Variants in CMIP observed in about 807,000 individuals in gnomAD.
CMIP encodes C-Maf-inducing protein.
In CMIP, 13 loss-of-function variants were observed where a neutral mutation model predicts 97.3. The ratio of observed to expected loss-of-function variants is 0.13; its 90% CI spans 0.09 to 0.21. The LOEUF is 0.21. Among genes scored for constraint, CMIP ranks in the 10% least tolerant of loss-of-function variants. CMIP has a pLI of 1.00. For missense variants in CMIP, 847 were observed against 1,024.9 expected, an observed-to-expected ratio of 0.83 and a Z score of 2.37; for synonymous variants, 538 against 436.3, an observed-to-expected ratio of 1.23 and a Z score of -2.91.
chr16:81,592,308 T>C (rs1302050178), intron 1 of CMIP, among the ~76,000 whole-genome samples: 1 of 152,192 alleles, frequency 6.6e-6, no homozygotes, highest in African/African-American at 2.4e-5. Flanking sequence ...GAGACATCCT[T>C]GTACCCAAGC....
chr16:81,554,066 C>G (rs1229618002), intron 1 of CMIP, among the ~76,000 whole-genome samples: 2 of 152,194 alleles, frequency 1.3e-5, no homozygotes, highest in East Asian at 3.9e-4. Flanking sequence ...TCTGTACTTT[C>G]CATTTAAGGC....
At position 81,704,095 on chromosome 16, in the gene CMIP, C is replaced by T. The variant is rs893462781; in HGVS notation, c.2091+10C>T. ...CCTGTGGTCCACTCAGGTACGTCCTCCCGCCCTGCTGCAGTCCCCCACACC... is the reference window on the plus strand; with the variant it reads ...CCTGTGGTCCACTCAGGTACGTCCTTCCGCCCTGCTGCAGTCCCCCACACC... On this transcript the variant is annotated intron_variant, in intron 18 of 20. Coordinates refer to ENST00000537098, the MANE Select transcript of CMIP (RefSeq NM_198390.3). 8 of 1,600,164 alleles carry T rather than the reference C, an allele frequency of 5.0e-6. No individual in the cohort carries two copies. In the African/African-American group the frequency reaches 1.1e-4, roughly 22 times the overall value.
chr16:81,509,451 C>T (rs2089770669), intron 1 of CMIP, among the ~76,000 whole-genome samples: 1 of 152,200 alleles, frequency 6.6e-6, no homozygotes. Context: ...ATTGGGGCTG[C>T]CTCCTTCCTG....
chr16:81,525,906 G>T (rs2090122338), intron 1 of CMIP, among the ~76,000 whole-genome samples: 1 of 152,124 alleles, frequency 6.6e-6, no homozygotes, highest in Non-Finnish European at 1.5e-5. Flanking sequence ...TTAGCGTAAT[G>T]CTCTCAAGGT....
chr16:81,709,892 T>A lies in CMIP; in HGVS notation c.*93T>A, dbSNP rs1347304825. On this transcript the variant is annotated 3_prime_UTR_variant, in exon 21 of 21. Transcript: ENST00000537098. Reference sequence around the variant, plus strand: ...AGCAGCCGGTCCTGGGGTCCCACCCTGGTGCCCTGGCTGTGAGATAGATGG... The same window carrying A: ...AGCAGCCGGTCCTGGGGTCCCACCCAGGTGCCCTGGCTGTGAGATAGATGG... The A allele has an allele frequency of 9.6e-6, 9 of 937,078 alleles. No homozygotes were observed. Among genetic ancestry groups the A allele is most frequent in the Non-Finnish European group, 1.3e-5 (9 of 714,468 alleles). The allele number at this position is 937,078 out of a possible 1,614,324, so 58.0% of individuals were successfully genotyped here.
chr16:81,621,307 T>C lies in CMIP; in HGVS notation c.477+381T>C, dbSNP rs966429244. On this transcript the variant is annotated intron_variant, in intron 3 of 20. Coordinates refer to ENST00000537098, the MANE Select transcript of CMIP (RefSeq NM_198390.3). This position sits in a 1 kb window ranked among gnomAD's most constrained non-coding sequence, Gnocchi z 4.1. ...TCCAAAGGCTGTGCCAAGTGTAAAC[T>C]TAACAGAGATTCAAAATCCTGAGCC... 4 of 178,752 alleles carry C rather than the reference T, an allele frequency of 2.2e-5. No individual in the cohort carries two copies. Among genetic ancestry groups the C allele is most frequent in the African/African-American group, 4.7e-5 (2 of 42,574 alleles). The allele number at this position is 178,752 out of a possible 1,614,324, so 11.1% of individuals were successfully genotyped here.
chr16:81,663,870 G>C (rs1438111548), intron 6 of CMIP, among the ~76,000 whole-genome samples: 2 of 152,130 alleles, frequency 1.3e-5, no homozygotes, highest in Non-Finnish European at 2.9e-5. Flanking sequence ...AGGGAAACAA[G>C]ATTGTGTTGT....
intron 7 of CMIP, chr16:81,664,838 T>A (rs1334521738): frequency 4.4e-6 from 1 of 228,540 alleles, no homozygotes; most frequent in Non-Finnish European, 8.4e-6. Context: ...GAATATTCCC[T>A]TCATAGGACG....
intron 1 of CMIP, among the ~76,000 whole-genome samples, chr16:81,452,511 G>A (rs113170463): frequency 0.01 from 1,532 of 152,218 alleles, 24 homozygotes; most frequent in African/African-American, 0.035. Context: ...TATAAAATCC[G>A]ATGACAGGGA....
chr16:81,615,662 GTGTA>G (rs1275019785), intron 2 of CMIP, among the ~76,000 whole-genome samples: 1 of 149,084 alleles, frequency 6.7e-6, no homozygotes, highest in African/African-American at 2.5e-5. Flanking sequence ...TGTGTGTGGT[GTGTA>G]TGTGTCTGTG....
intron 1 of CMIP, among the ~76,000 whole-genome samples, chr16:81,457,092 G>A (rs577016564): frequency 1.1e-4 from 17 of 152,122 alleles, no homozygotes; most frequent in South Asian, 4.2e-4. Context: ...CGAGCGTCCC[G>A]CCCTGTCTGG....
Position 81,597,702 on chromosome 16 carries a change from G to A in CMIP, c.301-9865G>A, listed in dbSNP as rs192316256. Among the ~76,000 whole-genome samples the A allele has an allele frequency of 7.0e-4, 107 of 152,232 alleles. 1 individual carries two copies. Among genetic ancestry groups the A allele is most frequent in the African/African-American group, 2.3e-3 (97 of 41,532 alleles). On this transcript the variant is annotated intron_variant, in intron 1 of 20. Transcript: ENST00000537098. ...CCGTGGGGCTCCAGCAGGGGCTTGG[G>A]CCAGTTCCCCCATTCAGCTTCCTTT...
At chr16:81,694,165 G>A (rs1005404601) in intron 13 of CMIP, among the ~76,000 whole-genome samples, 6 of 152,154 alleles carry the variant, frequency 3.9e-5, no homozygotes, top group Non-Finnish European at 7.4e-5. Flanking sequence ...AGTGTTGCGC[G>A]GCTGGTCCAC....
At chr16:81,516,021 C>G (rs1286269322) in intron 1 of CMIP, among the ~76,000 whole-genome samples, 6 of 152,212 alleles carry the variant, frequency 3.9e-5, no homozygotes, top group Admixed American at 2.0e-4. Context: ...CCCTGTGTCT[C>G]TCTGGCCTGC....
At chr16:81,476,003 G>T in intron 1 of CMIP, 7 of 522,288 alleles carry the variant, frequency 1.3e-5, no homozygotes, top group East Asian at 4.0e-5. Context: ...AAAAAAAAAA[G>T]ATAAAACATA....
intron 9 of CMIP, among the ~76,000 whole-genome samples, chr16:81,675,462 G>GC (rs1378505867): frequency 2.0e-5 from 3 of 149,672 alleles, no homozygotes; most frequent in African/African-American, 7.4e-5. Flanking sequence ...CAAGTGAAAT[G>GC]CCCCCCTTAG....
chr16:81,558,821 G>A (rs958383305), intron 1 of CMIP, among the ~76,000 whole-genome samples: 2 of 152,224 alleles, frequency 1.3e-5, no homozygotes, highest in Non-Finnish European at 2.9e-5. Context: ...GAGAGTGGCT[G>A]CGCACAGTAG....
intron 1 of CMIP, among the ~76,000 whole-genome samples, chr16:81,554,363 A>G (rs1464193845): frequency 1.3e-5 from 2 of 152,242 alleles, no homozygotes; most frequent in African/African-American, 4.8e-5. Flanking sequence ...ATTCAGAGAA[A>G]TATCCTGCTT....
At chr16:81,577,411 T>C (rs2091212283) in intron 1 of CMIP, among the ~76,000 whole-genome samples, 1 of 145,658 alleles carries the variant, frequency 6.9e-6, no homozygotes, top group African/African-American at 2.6e-5. Flanking sequence ...ACCACTACAT[T>C]ATTATCACTA....
Sources: gnomAD v4.1 joint callset for allele counts (sites outside exome capture counted in the v4.1 genomes callset) on GRCh38, gnomAD v4.1.1 for gene constraint, Gnocchi (gnomAD v3.1) non-coding constraint, MANE v1.5 for transcripts, NCBI Gene and HGNC (gene_info 2026-07-23, HGNC 2026-07-21) for gene names.